Variants in APP observed in about 807,000 individuals in gnomAD.
APP encodes the protein amyloid beta precursor protein, also known as amyloid-beta precursor protein.
APP carries 31 observed loss-of-function variants against 101.4 expected under a neutral mutation model. The ratio of observed to expected loss-of-function variants is 0.31; its 90% CI spans 0.23 to 0.41. APP has a LOEUF of 0.41. APP is among the 10% of genes least tolerant of loss of function. APP has a pLI of 1.00. For missense variants in APP, 839 were observed against 1,003.7 expected, an observed-to-expected ratio of 0.84 and a Z score of 2.22; for synonymous variants, 366 against 364.4, an observed-to-expected ratio of 1.00 and a Z score of -0.05.
intron 1 of APP, among the ~76,000 whole-genome samples, chr21:26,154,034 A>G (rs560885039): frequency 6.6e-6 from 1 of 152,308 alleles, no homozygotes; most frequent in Admixed American, 6.5e-5. Flanking sequence ...CCAACCCTCC[A>G]TGTCAGGCAG....
intron 13 of APP, among the ~76,000 whole-genome samples, chr21:25,952,119 A>G (rs918747792): frequency 1.3e-5 from 2 of 152,164 alleles, no homozygotes; most frequent in African/African-American, 4.8e-5. Context: ...CATCTGGTAT[A>G]TTTAGAATGA....
At chr21:25,980,342 A>G (rs1475978557) in intron 9 of APP, among the ~76,000 whole-genome samples, 4 of 152,214 alleles carry the variant, frequency 2.6e-5, no homozygotes, top group Non-Finnish European at 4.4e-5. Flanking sequence ...TGAAAGCTTC[A>G]TAAAGAAGGG....
chr21:25,954,626 C>T lies in APP; in HGVS notation c.1651G>A (p.Val551Met), dbSNP rs761339914. 6.2e-6 allele frequency: 10 copies of T among 1,613,972 alleles called. No homozygotes were observed. Among genetic ancestry groups the T allele is most frequent in the East Asian group, 4.5e-5 (2 of 44,894 alleles). The part of the protein sequence containing the change: ...MNQSLSLLYN[V>M]PAVAEEIQDE... ...TGAATCTCCTCGGCCACTGCAGGCA[C>T]GTTGTAGAGCAGGGAGAGAGACTGA... Residue 551 changes from valine to methionine, a missense_variant, in exon 13 of 18, where the codon GTG becomes ATG. By Grantham distance (21) the Val-to-Met change is conservative. Coordinates refer to ENST00000346798, the MANE Select transcript of APP (RefSeq NM_000484.4).
chr21:26,132,779 C>T (rs2062821528), intron 1 of APP, among the ~76,000 whole-genome samples: 1 of 152,138 alleles, frequency 6.6e-6, no homozygotes, highest in African/African-American at 2.4e-5. Context: ...GTGTTAAAAT[C>T]ACTTCTAAAG....
chr21:26,151,784 T>C (rs1170563892), intron 1 of APP, among the ~76,000 whole-genome samples: 1 of 152,130 alleles, frequency 6.6e-6, no homozygotes, highest in Admixed American at 6.5e-5. Context: ...CACTCACCCA[T>C]TGCTCACCTA....
chr21:26,013,482 C>CTTT (rs35031616), intron 6 of APP, among the ~76,000 whole-genome samples: 1 of 147,722 alleles, frequency 6.8e-6, no homozygotes, highest in Non-Finnish European at 1.5e-5. Flanking sequence ...CATCTGCACA[C>CTTT]TTTTTTTTTT....
intron 13 of APP, among the ~76,000 whole-genome samples, chr21:25,915,628 G>A (rs575822588): frequency 4.3e-4 from 65 of 152,370 alleles, no homozygotes; most frequent in African/African-American, 1.5e-3. Flanking sequence ...CCTATGGAAT[G>A]GTTATTGCTT....
intron 12 of APP, 55 bp from the exon 13 acceptor site, chr21:25,954,744 CTTTTTCTTTCTT>C: frequency 7.1e-7 from 1 of 1,417,260 alleles, no homozygotes; most frequent in Non-Finnish European, 9.9e-7. Context: ...AGGAATGGTT[CTTTTTCTTTCTT>C]TTTTTCTTTT....
At chr21:26,038,840 T>C (rs2045245071) in intron 5 of APP, among the ~76,000 whole-genome samples, 1 of 152,152 alleles carries the variant, frequency 6.6e-6, no homozygotes, top group Non-Finnish European at 1.5e-5. Context: ...ACAAGTCCAC[T>C]GTAAACTTTA....
intron 5 of APP, among the ~76,000 whole-genome samples, chr21:26,028,955 C>G (rs1285413440): frequency 6.6e-6 from 1 of 151,994 alleles, no homozygotes; most frequent in Non-Finnish European, 1.5e-5. Flanking sequence ...AGGGAAGGGC[C>G]CCACGGAAGA....
At chr21:26,095,016 T>C (rs2061910241) in intron 2 of APP, among the ~76,000 whole-genome samples, 2 of 152,154 alleles carry the variant, frequency 1.3e-5, no homozygotes, top group African/African-American at 2.4e-5. Context: ...CGGCTAATTT[T>C]TGTATTTTCA....
chr21:26,017,334 C>T (rs111577139), intron 6 of APP, among the ~76,000 whole-genome samples: 2,414 of 151,194 alleles, frequency 0.016, 69 homozygotes, highest in African/African-American at 0.055. Context: ...GGCCTGTTTT[C>T]CCGGCTACTT....
intron 6 of APP, among the ~76,000 whole-genome samples, chr21:26,001,007 C>T (rs1375742414): frequency 6.6e-6 from 1 of 151,780 alleles, no homozygotes; most frequent in African/African-American, 2.4e-5. Flanking sequence ...ACAACTATAA[C>T]AATGTATTAT....
At chr21:26,056,876 T>C (rs1568920364) in intron 3 of APP, among the ~76,000 whole-genome samples, 1 of 152,256 alleles carries the variant, frequency 6.6e-6, no homozygotes, top group African/African-American at 2.4e-5. Context: ...TGATGAAACA[T>C]GTTAGAAGGT....
intron 8 of APP, among the ~76,000 whole-genome samples, chr21:25,993,021 C>T (rs145461363): frequency 2.0e-5 from 3 of 152,298 alleles, no homozygotes; most frequent in East Asian, 1.9e-4. Context: ...GTCTTTACAA[C>T]GACCCTGGGG....
At chr21:26,079,941 T>G (rs1024114647) in intron 3 of APP, among the ~76,000 whole-genome samples, 1 of 152,096 alleles carries the variant, frequency 6.6e-6, no homozygotes, top group Non-Finnish European at 1.5e-5. Context: ...CTGGCCAACA[T>G]GGTGAAACCC....
intron 15 of APP, among the ~76,000 whole-genome samples, chr21:25,900,250 G>A (rs1056829086): frequency 1.3e-5 from 2 of 151,920 alleles, no homozygotes; most frequent in Non-Finnish European, 2.9e-5. Flanking sequence ...ATCTGGCAAC[G>A]TGCCAAGCAC....
chr21:25,915,565 T>A (rs1049535378), intron 13 of APP, among the ~76,000 whole-genome samples: 17 of 152,268 alleles, frequency 1.1e-4, no homozygotes, highest in Non-Finnish European at 1.5e-5. Context: ...CCAATATCTT[T>A]AGCAGTCTCT....
At position 26,017,198 on chromosome 21, in the gene APP, C is replaced by CAAAAAAAAAAAAAAAAAAAAAAAAAAA. The variant is rs35206910; in HGVS notation, c.865+4641_865+4642insTTTTTTTTTTTTTTTTTTTTTTTTTTT. The stretch of plus-strand genomic sequence containing the variant: ...TGGGTGACAGAGCGAGACTGTATCT[C>CAAAAAAAAAAAAAAAAAAAAAAAAAAA]AAAAAAAAAAAAAAAAAAAATTCTT... On this transcript the variant is annotated intron_variant, in intron 6 of 17. Transcript: ENST00000346798. 2.0e-4 allele frequency among the ~76,000 whole-genome samples: 11 copies of CAAAAAAAAAAAAAAAAAAAAAAAAAAA among 56,358 alleles called. 1 individual carries two copies. The highest frequency in any genetic ancestry group is 8.5e-4 in the African/African-American group (10 of 11,804). The allele number at this position is 56,358 out of a possible 152,430, so 37.0% of individuals were successfully genotyped here.
Sources: allele counts gnomAD v4.1 joint callset (sites outside exome capture counted in the v4.1 genomes callset), GRCh38; gene constraint gnomAD v4.1.1; transcripts MANE v1.5; gene names NCBI Gene and HGNC (gene_info 2026-07-23, HGNC 2026-07-21).